Variants in CAST observed in about 807,000 individuals in gnomAD.
The protein encoded by CAST is calpastatin.
CAST carries 76 observed loss-of-function variants against 119.6 expected under a neutral mutation model. That is an observed-to-expected ratio of 0.64 (90% CI 0.53 to 0.77). The LOEUF (loss-of-function observed/expected upper bound fraction) is 0.77. Ranked by LOEUF, CAST falls within the 30% of genes least tolerant of loss-of-function variation. The pLI is 0.00. For missense variants in CAST, 953 were observed against 946.5 expected (o/e 1.01, Z -0.09); for synonymous variants, 319 against 331.6 (o/e 0.96, Z 0.41).
At chr5:96,211,630 G>T in the CAST span, among the ~76,000 whole-genome samples, 1 of 151,766 alleles carries the variant, frequency 6.6e-6, no homozygotes, top group African/African-American at 2.4e-5. Flanking sequence ...CTATGATTTT[G>T]ATATCAGGGT....
At chr5:96,109,978 G>A in the CAST span, among the ~76,000 whole-genome samples, 10 of 151,880 alleles carry the variant, frequency 6.6e-5, no homozygotes, top group African/African-American at 2.2e-4. Flanking sequence ...AGAAGAAATC[G>A]AGTGGAAATT....
chr5:96,177,360 A>G, the CAST span, among the ~76,000 whole-genome samples: 1 of 152,220 alleles, frequency 6.6e-6, no homozygotes, highest in South Asian at 2.1e-4. Context: ...CCTGAAATCC[A>G]AGAGAATATT....
the CAST span, among the ~76,000 whole-genome samples, chr5:96,388,507 C>T: frequency 6.6e-6 from 1 of 152,290 alleles, no homozygotes; most frequent in African/African-American, 2.4e-5. Context: ...GAGGCCTCTG[C>T]TTGCATCACA....
At chr5:96,029,805 A>C in the CAST span, among the ~76,000 whole-genome samples, 1 of 152,252 alleles carries the variant, frequency 6.6e-6, no homozygotes. Context: ...TCATATGCAA[A>C]AATCACATGT....
the CAST span, among the ~76,000 whole-genome samples, chr5:96,252,219 T>A: frequency 6.6e-6 from 1 of 152,168 alleles, no homozygotes; most frequent in Non-Finnish European, 1.5e-5. Context: ...ATGGTAATTT[T>A]GGTGATGGAA....
At chr5:96,300,022 G>A in the CAST span, among the ~76,000 whole-genome samples, 2 of 152,028 alleles carry the variant, frequency 1.3e-5, no homozygotes, top group Non-Finnish European at 2.9e-5. Context: ...CTTATCAAAT[G>A]TATGGCTTGC....
rs1753731779 is a variant in CAST at position 96,700,334 on chromosome 5, ATCTACT to A, written c.210+4431_210+4436del. Reference sequence around the variant, plus strand: ...GAGGCTGAATTTAAGGTTAAAGTAAATCTACTTCTTTTAAATTAAGTAAACATAATA... The same window carrying A: ...GAGGCTGAATTTAAGGTTAAAGTAAATCTTTTAAATTAAGTAAACATAATA... On this transcript the variant is annotated intron_variant, in intron 3 of 31. Coordinates refer to ENST00000675179, the MANE Select transcript of CAST (RefSeq NM_001750.7). Among the ~76,000 whole-genome samples, 4 of 152,352 alleles carry A rather than the reference ATCTACT, an allele frequency of 2.6e-5. No individual in the cohort carries two copies. In the South Asian group the frequency reaches 8.3e-4, roughly 32 times the overall value.
chr5:96,549,770 C>A (rs1393676944), intron 1 of CAST, among the ~76,000 whole-genome samples: 1 of 152,208 alleles, frequency 6.6e-6, no homozygotes, highest in East Asian at 1.9e-4. Flanking sequence ...GGTCCCATAC[C>A]CATGGAGCCT....
the CAST span, among the ~76,000 whole-genome samples, chr5:96,290,869 G>C: frequency 6.6e-6 from 1 of 152,168 alleles, no homozygotes; most frequent in Non-Finnish European, 1.5e-5. Context: ...CTTGCTATCA[G>C]TAGGCTTTAC....
the CAST span, among the ~76,000 whole-genome samples, chr5:96,251,463 G>A: frequency 8.6e-5 from 13 of 151,980 alleles, no homozygotes; most frequent in Non-Finnish European, 1.8e-4. Flanking sequence ...CCCAAAGATC[G>A]CAGATTTCAC....
chr5:96,032,366 T>A, the CAST span, among the ~76,000 whole-genome samples: 1 of 152,094 alleles, frequency 6.6e-6, no homozygotes, highest in Non-Finnish European at 1.5e-5. Flanking sequence ...AAAAAAAAGT[T>A]GGACTTGGAA....
the CAST span, among the ~76,000 whole-genome samples, chr5:96,120,078 G>A: frequency 3.5e-4 from 54 of 152,120 alleles, 1 homozygote; most frequent in African/African-American, 1.3e-3. Flanking sequence ...GTATCTAATG[G>A]ACATAAATAG....
chr5:96,374,545 A>G, the CAST span, among the ~76,000 whole-genome samples: 1 of 152,166 alleles, frequency 6.6e-6, no homozygotes, highest in East Asian at 1.9e-4. Flanking sequence ...CTCTGCATCA[A>G]TCTGCGTATT....
At chr5:96,510,570 A>C in the CAST span, among the ~76,000 whole-genome samples, 1 of 152,248 alleles carries the variant, frequency 6.6e-6, no homozygotes, top group Non-Finnish European at 1.5e-5. Flanking sequence ...AAAGACACTT[A>C]AGAGACATAA....
At chr5:96,462,822 G>A in the CAST span, among the ~76,000 whole-genome samples, 2 of 152,076 alleles carry the variant, frequency 1.3e-5, no homozygotes, top group African/African-American at 4.8e-5. Context: ...GATAGTGAGG[G>A]AGTTCTCACT....
chr5:96,468,602 G>T, the CAST span, among the ~76,000 whole-genome samples: 3 of 152,074 alleles, frequency 2.0e-5, no homozygotes, highest in Non-Finnish European at 4.4e-5. Context: ...TTTTACATCA[G>T]TTACAGAGCA....
chr5:96,026,106 A>T, the CAST span, among the ~76,000 whole-genome samples: 1 of 152,164 alleles, frequency 6.6e-6, no homozygotes, highest in South Asian at 2.1e-4. Context: ...GCATGGTGGC[A>T]TGCACCCGTG....
At chr5:96,204,863 G>A in the CAST span, among the ~76,000 whole-genome samples, 3 of 151,988 alleles carry the variant, frequency 2.0e-5, no homozygotes, top group Non-Finnish European at 4.4e-5. Context: ...CACATAATTT[G>A]CATCAGAATT....
At chr5:96,339,298 A>G in the CAST span, among the ~76,000 whole-genome samples, 1 of 152,294 alleles carries the variant, frequency 6.6e-6, no homozygotes, top group Non-Finnish European at 1.5e-5. Context: ...TGCATCTATA[A>G]AAATAGAACC....
Sources: gnomAD v4.1 joint callset for allele counts (sites outside exome capture counted in the v4.1 genomes callset) on GRCh38, gnomAD v4.1.1 for gene constraint, MANE v1.5 for transcripts, NCBI Gene and HGNC (gene_info 2026-07-23, HGNC 2026-07-21) for gene names.